Variants in EYA2 observed in about 807,000 individuals in gnomAD.
EYA2 encodes EYA transcriptional coactivator and phosphatase 2.
EYA2 carries 31 observed loss-of-function variants against 69.2 expected under a neutral mutation model. The ratio of observed to expected loss-of-function variants is 0.45; its 90% CI spans 0.34 to 0.60. EYA2 has a LOEUF of 0.60. Ranked by LOEUF, EYA2 falls within the 20% of genes least tolerant of loss-of-function variation. The pLI, the probability that EYA2 is intolerant of heterozygous loss-of-function variation, is 0.02. For synonymous variants in EYA2, 257 were observed against 279.4 expected (o/e 0.92, Z 0.80); for missense variants, 622 against 701.2 (o/e 0.89, Z 1.28).
intron 10 of EYA2, among the ~76,000 whole-genome samples, chr20:47,154,937 C>T (rs2033894541): frequency 6.6e-6 from 1 of 150,808 alleles, no homozygotes; most frequent in African/African-American, 2.4e-5. Context: ...CCTTCACCTC[C>T]CTGGTTCAAG....
At chr20:47,103,273 C>A (rs1329238202) in intron 9 of EYA2, among the ~76,000 whole-genome samples, 1 of 151,632 alleles carries the variant, frequency 6.6e-6, no homozygotes, top group Non-Finnish European at 1.5e-5. Flanking sequence ...TTTCCTTCTC[C>A]CCCTGGCCCC....
At chr20:47,155,277 C>T (rs796107940) in intron 10 of EYA2, among the ~76,000 whole-genome samples, 8 of 152,102 alleles carry the variant, frequency 5.3e-5, no homozygotes, top group African/African-American at 1.7e-4. Flanking sequence ...CACATGAACA[C>T]GACAGCATCC....
intron 7 of EYA2, among the ~76,000 whole-genome samples, chr20:47,082,695 C>CT (rs1171939205): frequency 2.0e-5 from 3 of 152,150 alleles, no homozygotes; most frequent in African/African-American, 4.8e-5. Flanking sequence ...ACATCTCAGG[C>CT]TTTTTTTAAG....
intron 5 of EYA2, among the ~76,000 whole-genome samples, chr20:47,068,363 A>T (rs1302525743): frequency 6.6e-6 from 1 of 152,250 alleles, no homozygotes; most frequent in Admixed American, 6.5e-5. Context: ...GAAGCATGAG[A>T]CAGGCTTAAG....
chr20:46,964,203 T>C (rs1211644), intron 1 of EYA2, among the ~76,000 whole-genome samples: 49,638 of 152,120 alleles, frequency 0.33, 10,004 homozygotes, highest in African/African-American at 0.57. Flanking sequence ...CGAAAGCCAC[T>C]GTTTTTAGTC....
intron 10 of EYA2, among the ~76,000 whole-genome samples, chr20:47,154,676 G>C (rs76525439): frequency 6.6e-6 from 1 of 152,008 alleles, no homozygotes; most frequent in Non-Finnish European, 1.5e-5. Flanking sequence ...GAAAGTGCAA[G>C]GGAGGCTGGA....
chr20:47,031,908 T>C (rs1984441273), intron 5 of EYA2, among the ~76,000 whole-genome samples: 1 of 151,814 alleles, frequency 6.6e-6, no homozygotes, highest in Non-Finnish European at 1.5e-5. Flanking sequence ...AAATGCAGAG[T>C]CCTATCCAAG....
At chr20:47,078,331 G>GCGCACA (rs1474691098) in intron 7 of EYA2, among the ~76,000 whole-genome samples, 21 of 123,734 alleles carry the variant, frequency 1.7e-4, no homozygotes, top group Admixed American at 5.5e-4. Context: ...GCGCGCGCGC[G>GCGCACA]CACACACACA....
Position 47,035,738 on chromosome 20 carries a change from G to A in EYA2, c.415+19441G>A, listed in dbSNP as rs560692501. Reference sequence around the variant, plus strand: ...TCATAAAAATAGCTAATACTGGGCCGGGCTTGGTGGCTGATACCTGTAACT... The same window carrying A: ...TCATAAAAATAGCTAATACTGGGCCAGGCTTGGTGGCTGATACCTGTAACT... On this transcript the variant is annotated intron_variant, in intron 5 of 15. Coordinates refer to ENST00000327619, the MANE Select transcript of EYA2 (RefSeq NM_005244.5). 6.6e-5 allele frequency among the ~76,000 whole-genome samples: 10 copies of A among 152,146 alleles called. No homozygotes were observed. In the East Asian group the frequency reaches 7.7e-4, roughly 12 times the overall value.
chr20:47,143,256 T>C, intron 10 of EYA2, 108 bp downstream of exon 10: 4 of 1,038,744 alleles, frequency 3.9e-6, no homozygotes, highest in Non-Finnish European at 5.4e-6. Flanking sequence ...TCTTTTTTTC[T>C]CCTTTTTCTT....
At chr20:47,111,522 G>C (rs1250313193) in intron 9 of EYA2, among the ~76,000 whole-genome samples, 1 of 152,140 alleles carries the variant, frequency 6.6e-6, no homozygotes, top group East Asian at 1.9e-4. Context: ...CCTCCAGCAG[G>C]CAAGTCCAGG....
chr20:47,185,276 CT>C (rs765083065), intron 15 of EYA2, among the ~76,000 whole-genome samples: 1 of 55,932 alleles, frequency 1.8e-5, no homozygotes, highest in Non-Finnish European at 3.2e-5. Context: ...GAATCACACT[CT>C]TTTTTTTTTT....
intron 1 of EYA2, chr20:46,901,066 C>G (rs73132454): frequency 6.6e-6 from 1 of 152,108 alleles, no homozygotes; most frequent in African/African-American, 2.4e-5. Context: ...AGCGGGTTTC[C>G]GAGCCCGTGG....
rs563011680 is a variant in EYA2 at position 46,990,657 on chromosome 20, T to A, written c.109+538T>A. The stretch of plus-strand genomic sequence containing the variant: ...GTCGAACTAGTTTTCACTAGAACAA[T>A]TCCAGCTATTGTTTGTTCTGTTTCA... On this transcript the variant is annotated intron_variant, in intron 2 of 15. Transcript: ENST00000327619. Among the ~76,000 whole-genome samples, 3 of 152,362 alleles carry A rather than the reference T, an allele frequency of 2.0e-5. No individual in the cohort carries two copies. In the East Asian group the frequency reaches 5.8e-4, roughly 29 times the overall value.
chr20:46,985,329 T>C (rs544221616), intron 1 of EYA2, among the ~76,000 whole-genome samples: 115 of 152,328 alleles, frequency 7.5e-4, no homozygotes, highest in African/African-American at 2.6e-3. Flanking sequence ...CCCCATTGGC[T>C]TGGCCTTCAA....
intron 5 of EYA2, among the ~76,000 whole-genome samples, chr20:47,054,733 G>A (rs920766561): frequency 6.6e-6 from 1 of 152,096 alleles, no homozygotes; most frequent in Non-Finnish European, 1.5e-5. Flanking sequence ...GGACTCACTT[G>A]GGGGACATGC....
intron 5 of EYA2, among the ~76,000 whole-genome samples, chr20:47,061,357 C>T (rs530970693): frequency 2.0e-5 from 3 of 152,128 alleles, no homozygotes; most frequent in Admixed American, 2.0e-4. Context: ...CAAGACCCCA[C>T]CTCTACAGAA....
intron 9 of EYA2, among the ~76,000 whole-genome samples, chr20:47,126,203 C>G (rs2033187252): frequency 1.3e-5 from 2 of 152,200 alleles, no homozygotes; most frequent in South Asian, 4.1e-4. Flanking sequence ...ACGCCTCCCC[C>G]GACCTTCCCT....
chr20:47,084,492 A>C (rs1168207481), intron 7 of EYA2, among the ~76,000 whole-genome samples: 1 of 152,148 alleles, frequency 6.6e-6, no homozygotes, highest in Non-Finnish European at 1.5e-5. Context: ...AGGGAGCTGT[A>C]ATTGTGCCAC....
Sources: allele counts gnomAD v4.1 joint callset (sites outside exome capture counted in the v4.1 genomes callset), GRCh38; gene constraint gnomAD v4.1.1; transcripts MANE v1.5; gene names NCBI Gene and HGNC (gene_info 2026-07-23, HGNC 2026-07-21).